CD226: variants seen among roughly 807,000 people sequenced by gnomAD.
CD226 encodes the protein CD226 antigen.
A neutral mutation model predicts 34.9 loss-of-function variants in CD226; 24 were observed. The observed-to-expected ratio is 0.69, with a 90% CI of 0.50 to 0.97. The LOEUF (loss-of-function observed/expected upper bound fraction) is 0.97, where lower values mean the gene tolerates loss of function less well. Ranked by LOEUF, CD226 falls within the 50% of genes least tolerant of loss-of-function variation. The pLI, the probability that CD226 is intolerant of heterozygous loss-of-function variation, is 0.00. For missense variants in CD226, 397 were observed against 412.7 expected (o/e 0.96, Z 0.33); for synonymous variants, 148 against 147.4 (o/e 1.00, Z -0.03).
chr18:69,926,994 G>GAACT (rs112043739), intron 2 of CD226, among the ~76,000 whole-genome samples: 7,503 of 152,130 alleles, frequency 0.049, 643 homozygotes, highest in African/African-American at 0.17. Flanking sequence ...AATAATCCTG[G>GAACT]AACTAAGCTC....
intron 3 of CD226, among the ~76,000 whole-genome samples, chr18:69,886,463 T>C (rs549851487): frequency 6.6e-6 from 1 of 152,330 alleles, no homozygotes; most frequent in Admixed American, 6.5e-5. Context: ...CCCGGCACTT[T>C]GGAAGGCCGA....
In CD226 at chr18:69,895,827, G is replaced by C. The variant is rs1207799353; in HGVS notation, c.601C>G (p.His201Asp). Reference sequence around the variant, plus strand: ...ATGACGATGACGCTCCACCTTCCGTGGCTGCAGTTGCTCACTATTTGTCTT... The same window carrying C: ...ATGACGATGACGCTCCACCTTCCGTCGCTGCAGTTGCTCACTATTTGTCTT... ...FPRQIVSNCS[H>D]GRWSVIVIPD... The change falls in exon 3 of 6, where the codon CAC (histidine) becomes GAC (aspartate). Residue 201 changes from histidine to aspartate, a missense_variant. By Grantham distance (81) the His-to-Asp change is moderately conservative. Coordinates refer to ENST00000582621, the MANE Select transcript of CD226 (RefSeq NM_001303618.2). The C allele has an allele frequency of 6.2e-6, 10 of 1,614,070 alleles. No individual in the cohort carries two copies. In the African/African-American group the frequency reaches 1.3e-4, roughly 22 times the overall value.
chr18:69,874,488 C>T (rs1983743842), intron 3 of CD226, among the ~76,000 whole-genome samples: 2 of 152,154 alleles, frequency 1.3e-5, no homozygotes, highest in Non-Finnish European at 1.5e-5. Flanking sequence ...CTGTCAATCA[C>T]CCCACCATTA....
chr18:69,896,424 G>A (rs571034340), intron 2 of CD226, among the ~76,000 whole-genome samples: 2 of 152,198 alleles, frequency 1.3e-5, no homozygotes, highest in South Asian at 2.1e-4. Flanking sequence ...CTTGTGATCC[G>A]CCCACCTCGG....
At chr18:69,892,834 A>G (rs1477014992) in intron 3 of CD226, among the ~76,000 whole-genome samples, 1 of 152,198 alleles carries the variant, frequency 6.6e-6, no homozygotes, top group African/African-American at 2.4e-5. Context: ...TTTAGATCCA[A>G]TACTATGTGC....
At chr18:69,898,726 G>C (rs1043382024) in intron 2 of CD226, among the ~76,000 whole-genome samples, 6 of 152,140 alleles carry the variant, frequency 3.9e-5, no homozygotes, top group African/African-American at 1.2e-4. Context: ...GACCTATTAC[G>C]AGGTCGGCCA....
chr18:69,944,570 T>G (rs560975525), intron 2 of CD226: 1 of 152,372 alleles, frequency 6.6e-6, no homozygotes, highest in East Asian at 1.9e-4. Context: ...TTGGTTGTCC[T>G]GTGACAGAAA....
At chr18:69,946,163 A>G (rs1336005420) in intron 2 of CD226, among the ~76,000 whole-genome samples, 1 of 107,392 alleles carries the variant, frequency 9.3e-6, no homozygotes, top group African/African-American at 3.6e-5. Flanking sequence ...CAGCCTGGTG[A>G]CAGAGCAAGA....
chr18:69,901,787 A>G (rs199704584), intron 2 of CD226, among the ~76,000 whole-genome samples: 83 of 151,870 alleles, frequency 5.5e-4, no homozygotes, highest in Admixed American at 2.2e-3. Context: ...GCTGAGGCAG[A>G]AGAATGGCGT....
At chr18:69,912,571 T>A (rs978077948) in intron 2 of CD226, among the ~76,000 whole-genome samples, 5 of 152,212 alleles carry the variant, frequency 3.3e-5, no homozygotes, top group African/African-American at 7.2e-5. Context: ...TCCTCTCTAC[T>A]GAGGGCTAGA....
intron 2 of CD226, among the ~76,000 whole-genome samples, chr18:69,918,368 C>G (rs1039823329): frequency 2.6e-5 from 4 of 152,064 alleles, no homozygotes; most frequent in African/African-American, 9.7e-5. Flanking sequence ...GCCTGGCCAA[C>G]ATCATGAAAC....
intron 2 of CD226, among the ~76,000 whole-genome samples, chr18:69,930,589 G>A (rs2055577258): frequency 6.6e-6 from 1 of 152,176 alleles, no homozygotes; most frequent in Non-Finnish European, 1.5e-5. Flanking sequence ...CAAAACCCAG[G>A]ACCTACCTGA....
At chr18:69,935,752 G>A (rs1349291900) in intron 2 of CD226, among the ~76,000 whole-genome samples, 1 of 152,190 alleles carries the variant, frequency 6.6e-6, no homozygotes, top group Non-Finnish European at 1.5e-5. Context: ...GAGGTCACAG[G>A]AGAATCAGTG....
chr18:69,892,612 C>T (rs145076984), intron 3 of CD226, among the ~76,000 whole-genome samples: 7 of 152,322 alleles, frequency 4.6e-5, no homozygotes, highest in Non-Finnish European at 8.8e-5. Context: ...GTTCTTGCTT[C>T]TGCCATTTTC....
intron 3 of CD226, among the ~76,000 whole-genome samples, chr18:69,884,880 AGAGT>A (rs1984471300): frequency 6.6e-6 from 1 of 152,208 alleles, no homozygotes; most frequent in Non-Finnish European, 1.5e-5. Flanking sequence ...GCTGTATGAG[AGAGT>A]GAGATTTCTT....
Position 69,903,132 on chromosome 18 carries a change from G to A in CD226, c.383-7087C>T, listed in dbSNP as rs187158956. On this transcript the variant is annotated intron_variant, in intron 2 of 5. Transcript: ENST00000582621. Reference sequence around the variant, plus strand: ...GAAGCTCATAGGGCATGCAGTGTGGGAGGACATACTGAGGACAGAAGGAGA... The same window carrying A: ...GAAGCTCATAGGGCATGCAGTGTGGAAGGACATACTGAGGACAGAAGGAGA... Among the ~76,000 whole-genome samples, 328 of 152,324 alleles carry A rather than the reference G, an allele frequency of 2.2e-3. 1 individual carries two copies. Among genetic ancestry groups the A allele is most frequent in the African/African-American group, 7.1e-3 (294 of 41,566 alleles).
intron 3 of CD226, among the ~76,000 whole-genome samples, chr18:69,880,129 G>C (rs1332495133): frequency 6.6e-6 from 1 of 151,328 alleles, no homozygotes; most frequent in African/African-American, 2.4e-5. Flanking sequence ...TTTTGTTTCA[G>C]TAAAAGAAGA....
In CD226 at chr18:69,947,468, C is replaced by A; in HGVS notation, c.-62G>T. 1 of 990,298 alleles carries A rather than the reference C, an allele frequency of 1.0e-6. No homozygotes were observed. The highest frequency in any genetic ancestry group is 1.5e-6 in the Non-Finnish European group (1 of 647,526). The allele number at this position is 990,298 out of a possible 1,614,324, so 61.3% of individuals were successfully genotyped here. ...AAAAAAATTGCTTTTTATAATGTGA[C>A]ATGCAGATCCCCAGCACAATGCAGT... On this transcript the variant is annotated 5_prime_UTR_variant, in exon 1 of 6. The change abolishes an upstream ATG in the 5' untranslated region. Transcript: ENST00000582621.
chr18:69,917,451 T>C (rs1047992268), intron 2 of CD226, among the ~76,000 whole-genome samples: 2 of 152,172 alleles, frequency 1.3e-5, no homozygotes, highest in Non-Finnish European at 2.9e-5. Flanking sequence ...CTTTCCTGGG[T>C]TGCTCCTCCT....
Sources: gnomAD v4.1 joint callset for allele counts (sites outside exome capture counted in the v4.1 genomes callset) on GRCh38, gnomAD v4.1.1 for gene constraint, MANE v1.5 for transcripts, NCBI Gene and HGNC (gene_info 2026-07-23, HGNC 2026-07-21) for gene names.